The following ARFGAP3 variants were observed in gnomAD, a reference collection of about 807,000 sequenced individuals.
ARFGAP3 encodes ADP-ribosylation factor GTPase-activating protein 3.
In ARFGAP3, 72 loss-of-function variants were observed where a neutral mutation model predicts 75.0. The ratio of observed to expected loss-of-function variants is 0.96; its 90% CI spans 0.79 to 1.17. The LOEUF is 1.17. Among genes scored for constraint, ARFGAP3 ranks in the 50% most tolerant of loss-of-function variants. The pLI is 0.00. For missense variants in ARFGAP3, 620 were observed against 626.6 expected (o/e 0.99, Z 0.11); for synonymous variants, 221 against 217.9 (o/e 1.01, Z -0.13).
chr22:42,834,844 T>C (rs1926449664), intron 4 of ARFGAP3, among the ~76,000 whole-genome samples: 1 of 152,246 alleles, frequency 6.6e-6, no homozygotes, highest in Non-Finnish European at 1.5e-5. Context: ...TTTTGTGCTA[T>C]GTTCTTCATA....
intron 1 of ARFGAP3, among the ~76,000 whole-genome samples, chr22:42,851,590 GT>G (rs1927279854): frequency 6.6e-6 from 1 of 152,194 alleles, no homozygotes; most frequent in African/African-American, 2.4e-5. Flanking sequence ...AGACTGGGAC[GT>G]GTGGAGGTCA....
At chr22:42,840,223 T>C (rs899891210) in intron 3 of ARFGAP3, among the ~76,000 whole-genome samples, 18 of 151,764 alleles carry the variant, frequency 1.2e-4, no homozygotes, top group African/African-American at 4.4e-4. Context: ...TGAGCCACCG[T>C]GCCCAGCTGG....
chr22:42,850,141 T>G (rs1228543468), intron 1 of ARFGAP3, among the ~76,000 whole-genome samples: 1 of 152,078 alleles, frequency 6.6e-6, no homozygotes, highest in Non-Finnish European at 1.5e-5. Flanking sequence ...GAGTCACGCG[T>G]CGGAAGTGTG....
intron 9 of ARFGAP3, among the ~76,000 whole-genome samples, chr22:42,820,592 GTGT>G (rs1925769438): frequency 6.6e-6 from 1 of 152,080 alleles, no homozygotes; most frequent in African/African-American, 2.4e-5. Flanking sequence ...CATAAAATAG[GTGT>G]TATTTTCTTC....
intron 6 of ARFGAP3, 40 bp from the exon 7 acceptor site, chr22:42,827,039 C>G (rs766854950): frequency 2.4e-5 from 39 of 1,607,944 alleles, no homozygotes; most frequent in Non-Finnish European, 1.6e-5. Context: ...AGAAAATATA[C>G]TCAGCTAACT....
chr22:42,829,245 A>G lies in ARFGAP3; in HGVS notation c.566-2246T>C, dbSNP rs189366865. Among the ~76,000 whole-genome samples, 3 of 152,334 alleles carry G rather than the reference A, an allele frequency of 2.0e-5. No individual in the cohort carries two copies. In the East Asian group the frequency reaches 5.8e-4, roughly 29 times the overall value. ...GGACATGCAAACTAAGAAACGCAGTAATTTCCAGAACTGGTGTTTGCTATG... is the reference window on the plus strand; with the variant it reads ...GGACATGCAAACTAAGAAACGCAGTGATTTCCAGAACTGGTGTTTGCTATG... On this transcript the variant is annotated intron_variant, in intron 6 of 15. Transcript: ENST00000263245.
intron 5 of ARFGAP3, chr22:42,831,842 G>T: frequency 2.9e-6 from 2 of 679,468 alleles, no homozygotes; most frequent in Non-Finnish European, 3.6e-6. Flanking sequence ...GAGTGCAGAA[G>T]CACAATCACA....
rs190905336 is a variant in ARFGAP3, at chr22:42,834,468, G to A, written c.394-143C>T. On this transcript the variant is annotated intron_variant, in intron 4 of 15. Transcript: ENST00000263245. ...ATAAAATCAGTAACATCCCTACAGA[G>A]GACCTCTGCGTGCACTTTAGTAATC... 225 of 1,413,680 alleles carry A rather than the reference G, an allele frequency of 1.6e-4. No individual in the cohort carries two copies. The Middle Eastern group carries it at 2.2e-3, about 14-fold the overall frequency. The allele number at this position is 1,413,680 out of a possible 1,614,324, so 87.6% of individuals were successfully genotyped here. A position where few individuals can be genotyped will look rare whatever the true frequency, so the allele number is the denominator to read the frequency against.
At chr22:42,855,412 G>T (rs1027867449) in intron 1 of ARFGAP3, among the ~76,000 whole-genome samples, 1 of 152,176 alleles carries the variant, frequency 6.6e-6, no homozygotes, top group Non-Finnish European at 1.5e-5. Context: ...AAGGCTGGGC[G>T]CGGTGGCTCA....
At chr22:42,835,584 G>T in intron 3 of ARFGAP3, 91 bp from the exon 4 acceptor site, 1 of 1,408,420 alleles carries the variant, frequency 7.1e-7, no homozygotes, top group Non-Finnish European at 9.7e-7. Flanking sequence ...CACTCTGGGA[G>T]GCCGAGGCAG....
At chr22:42,806,997 G>T in intron 14 of ARFGAP3, 76 bp downstream of exon 14, 1 of 1,355,782 alleles carries the variant, frequency 7.4e-7, no homozygotes, top group Non-Finnish European at 9.8e-7. Flanking sequence ...CTTGGAAAAG[G>T]AAACAGTCCT....
intron 14 of ARFGAP3, among the ~76,000 whole-genome samples, chr22:42,804,905 A>G (rs1488465902): frequency 6.6e-6 from 1 of 152,256 alleles, no homozygotes; most frequent in Non-Finnish European, 1.5e-5. Flanking sequence ...AAAAAAATTT[A>G]TAAAATAAAA....
At chr22:42,797,739 A>T in intron 15 of ARFGAP3, 134 bp from the exon 16 acceptor site, 1 of 1,579,796 alleles carries the variant, frequency 6.3e-7, no homozygotes, top group Non-Finnish European at 8.6e-7. Flanking sequence ...CTGCACCCCG[A>T]GGGTGTGCTC....
At chr22:42,800,427 A>C (rs1373607436) in intron 14 of ARFGAP3, among the ~76,000 whole-genome samples, 28 of 152,182 alleles carry the variant, frequency 1.8e-4, no homozygotes. Flanking sequence ...GCTACTTGGG[A>C]GGCTGAGGCA....
At chr22:42,803,464 C>G (rs1052418811) in intron 14 of ARFGAP3, among the ~76,000 whole-genome samples, 7 of 152,228 alleles carry the variant, frequency 4.6e-5, no homozygotes, top group African/African-American at 1.7e-4. Flanking sequence ...GACGTGCTCT[C>G]ATTCAAACAA....
At position 42,799,131 on chromosome 22, in the gene ARFGAP3, T is replaced by C; in HGVS notation, c.1441A>G (p.Asn481Asp). The change falls in exon 15 of 16, where the codon AAC becomes GAC. Residue 481 changes from asparagine (N) to aspartate (D), a missense_variant. Transcript: ENST00000263245. ...TTGAACTGCGCCATGTCGGGGGCGT[T>C]GGGCAGCACACTGGACAGGCTGTAG... ...GNYSLSSVLP[N>D]APDMAQFKQG... 1.2e-6 allele frequency: 2 copies of C among 1,614,130 alleles called. No homozygotes were observed. The highest frequency in any genetic ancestry group is 8.5e-7 in the Non-Finnish European group (1 of 1,180,032).
At chr22:42,823,589 A>G in intron 8 of ARFGAP3, 67 bp downstream of exon 8, 1 of 1,152,256 alleles carries the variant, frequency 8.7e-7, no homozygotes, top group Non-Finnish European at 1.2e-6. Context: ...AACTAAAATG[A>G]CGAAGCGGCT....
At chr22:42,836,807 A>T (rs1926539174) in intron 3 of ARFGAP3, among the ~76,000 whole-genome samples, 1 of 152,318 alleles carries the variant, frequency 6.6e-6, no homozygotes, top group South Asian at 2.1e-4. Context: ...ACACTATCAG[A>T]CAGTCACTAC....
At chr22:42,846,410 AGTCCT>A (rs1248061644) in intron 2 of ARFGAP3, among the ~76,000 whole-genome samples, 1 of 152,262 alleles carries the variant, frequency 6.6e-6, no homozygotes, top group Non-Finnish European at 1.5e-5. Flanking sequence ...CTTCACAAAT[AGTCCT>A]GCCTCCCACT....
Sources: allele counts gnomAD v4.1 joint callset (sites outside exome capture counted in the v4.1 genomes callset), GRCh38; gene constraint gnomAD v4.1.1; transcripts MANE v1.5; gene names NCBI Gene and HGNC (gene_info 2026-07-23, HGNC 2026-07-21).